The following PCSK2 variants were observed in gnomAD, a reference collection of about 807,000 sequenced individuals.
PCSK2 encodes proprotein convertase subtilisin/kexin type 2, also known as neuroendocrine convertase 2.
In PCSK2, 14 loss-of-function variants were observed where a neutral mutation model predicts 69.7. The ratio of observed to expected loss-of-function variants is 0.20; its 90% CI spans 0.13 to 0.31. The LOEUF is 0.31. Ranked by LOEUF, PCSK2 falls within the 10% of genes least tolerant of loss-of-function variation. The pLI, the probability that PCSK2 is intolerant of heterozygous loss-of-function variation, is 1.00. For synonymous variants in PCSK2, 307 were observed against 320.7 expected, an observed-to-expected ratio of 0.96 and a Z score of 0.46; for missense variants, 544 against 842.5, an observed-to-expected ratio of 0.65 and a Z score of 4.39.
At chr20:17,333,035 G>C (rs1406365037) in intron 2 of PCSK2, among the ~76,000 whole-genome samples, 5 of 152,162 alleles carry the variant, frequency 3.3e-5, no homozygotes, top group African/African-American at 1.2e-4. Context: ...ATAAGGTATA[G>C]ATTAGATAAT....
At position 17,384,646 on chromosome 20, in the gene PCSK2, T is replaced by G. The variant is rs370392800; in HGVS notation, c.543+15369T>G. Reference sequence around the variant, plus strand: ...TTGAGTCTTAAAAATTAAAATATTTTTCATAGGCTGAACACAGCGGCCCAT... The same window carrying G: ...TTGAGTCTTAAAAATTAAAATATTTGTCATAGGCTGAACACAGCGGCCCAT... On this transcript the variant is annotated intron_variant, in intron 5 of 11. Transcript: ENST00000262545. Among the ~76,000 whole-genome samples, 146 of 151,408 alleles carry G rather than the reference T, an allele frequency of 9.6e-4. 3 individuals carry two copies. The South Asian group carries it at 0.031, about 32-fold the overall frequency.
rs1292802589 is a variant in PCSK2, at chr20:17,481,782, C to T, written c.1629C>T (p.Asp543=). The change falls in exon 12 of 12, where the codon GAC becomes GAT. Residue 543 remains aspartate (D), a synonymous_variant. Transcript: ENST00000262545. ...SILLSRRPRD[D]DSKVGFDKWP... ...TGCTGAGCCGGCGTCCAAGGGATGA[C>T]GACTCCAAGGTGGGCTTTGACAAGT... 1.2e-6 allele frequency: 2 copies of T among 1,614,008 alleles called. No homozygotes were observed. Among genetic ancestry groups the T allele is most frequent in the Non-Finnish European group, 8.5e-7 (1 of 1,180,026 alleles).
chr20:17,240,626 T>A (rs141521495), intron 1 of PCSK2, among the ~76,000 whole-genome samples: 4 of 152,250 alleles, frequency 2.6e-5, no homozygotes, highest in African/African-American at 9.6e-5. Flanking sequence ...TACATAAAAT[T>A]GAGGTTCGTC....
intron 2 of PCSK2, among the ~76,000 whole-genome samples, chr20:17,266,927 T>C (rs1166073619): frequency 2.0e-5 from 3 of 152,130 alleles, no homozygotes; most frequent in African/African-American, 7.2e-5. Flanking sequence ...GGAGGAAATG[T>C]GTGAGGGCCC....
chr20:17,280,530 C>T (rs1988270729), intron 2 of PCSK2, among the ~76,000 whole-genome samples: 1 of 152,172 alleles, frequency 6.6e-6, no homozygotes, highest in Non-Finnish European at 1.5e-5. Flanking sequence ...ACTTCAGAGT[C>T]ACCCAGAGGA....
intron 1 of PCSK2, among the ~76,000 whole-genome samples, chr20:17,238,320 T>C (rs1399425848): frequency 6.6e-6 from 1 of 152,182 alleles, no homozygotes; most frequent in Non-Finnish European, 1.5e-5. Flanking sequence ...CACCAGAATA[T>C]TGTGACATAC....
At chr20:17,380,456 G>A (rs1011930393) in intron 5 of PCSK2, among the ~76,000 whole-genome samples, 4 of 152,178 alleles carry the variant, frequency 2.6e-5, no homozygotes, top group Admixed American at 6.5e-5. Context: ...GGCCAGCCTC[G>A]CTGAATTCAA....
Position 17,373,604 on chromosome 20 carries a change from C to T in PCSK2, c.543+4327C>T, listed in dbSNP as rs577203044. On this transcript the variant is annotated intron_variant, in intron 5 of 11. Coordinates refer to ENST00000262545, the MANE Select transcript of PCSK2 (RefSeq NM_002594.5). ...ATGTTGAAAAAACTCCTTGTGGTTA[C>T]TGATTTATTTTCAGTGAGGATTGAA... Among the ~76,000 whole-genome samples, 151 of 152,298 alleles carry T rather than the reference C, an allele frequency of 9.9e-4. 1 individual carries two copies. Among genetic ancestry groups the T allele is most frequent in the African/African-American group, 3.2e-3 (132 of 41,548 alleles).
In PCSK2 at chr20:17,227,051, C is replaced by A. The variant is rs1029298278; in HGVS notation, c.-255C>A. The A allele has an allele frequency of 2.1e-5, 10 of 484,230 alleles. No homozygotes were observed. The highest frequency in any genetic ancestry group is 3.7e-5 in the Non-Finnish European group (10 of 273,510). The allele number at this position is 484,230 out of a possible 1,614,324, so 30.0% of individuals were successfully genotyped here. ...ACAGACCTACACTCGCTCTTTCTCT[C>A]CGGTACACACAGCTCCCCACATTCG... On this transcript the variant is annotated 5_prime_UTR_variant, in exon 1 of 12. Coordinates refer to ENST00000262545, the MANE Select transcript of PCSK2 (RefSeq NM_002594.5).
intron 8 of PCSK2, among the ~76,000 whole-genome samples, chr20:17,449,348 A>C (rs6131955): frequency 0.66 from 100,750 of 151,800 alleles, 33,786 homozygotes; most frequent in African/African-American, 0.75. Context: ...CCATGGGTGA[A>C]TTCCCATTTC....
chr20:17,272,456 G>A (rs1021934538), intron 2 of PCSK2, among the ~76,000 whole-genome samples: 1 of 151,984 alleles, frequency 6.6e-6, no homozygotes, highest in African/African-American at 2.4e-5. Context: ...TCGAGGTATT[G>A]GTTCTAAAAC....
At chr20:17,420,695 C>T (rs936073307) in intron 6 of PCSK2, among the ~76,000 whole-genome samples, 2 of 152,092 alleles carry the variant, frequency 1.3e-5, no homozygotes, top group African/African-American at 2.4e-5. Flanking sequence ...GGTACTCAGA[C>T]GGCAATCAAT....
chr20:17,432,903 A>G (rs2032397957), intron 7 of PCSK2, among the ~76,000 whole-genome samples: 1 of 152,186 alleles, frequency 6.6e-6, no homozygotes, highest in South Asian at 2.1e-4. Context: ...AGAAAAAGAC[A>G]GGGAGCAAAT....
chr20:17,375,170 G>A (rs113704497), intron 5 of PCSK2, among the ~76,000 whole-genome samples: 110 of 152,286 alleles, frequency 7.2e-4, no homozygotes, highest in African/African-American at 1.9e-3. Flanking sequence ...GAAGAGTTGA[G>A]GTTACAACGT....
rs144979581 is a variant in PCSK2, at chr20:17,453,951, C to A, written c.1095C>A (p.Ala365=). 6.2e-7 allele frequency: 1 copy of A among 1,614,168 alleles called. No homozygotes were observed. Among genetic ancestry groups the A allele is most frequent in the Non-Finnish European group, 8.5e-7 (1 of 1,180,032 alleles). The part of the protein sequence containing the change: ...FSNGRKRNPE[A]GVATTDLYGN... ...ACGGGAGGAAAAGGAACCCCGAGGC[C>A]GGTGTGGTGAGCACGTCCCCTTCTG... The change falls in exon 9 of 12, where the codon GCC becomes GCA. Residue 365 remains alanine, a synonymous_variant. Transcript: ENST00000262545. The surrounding 1 kb of genome is among the most constrained non-coding windows in gnomAD (Gnocchi z 4.0).
At chr20:17,226,581 G>A (rs1048143049), upstream of PCSK2, among the ~76,000 whole-genome samples, 1 of 151,718 alleles carries the variant, frequency 6.6e-6, no homozygotes, top group Non-Finnish European at 1.5e-5. Flanking sequence ...GAAACAAGCA[G>A]GAAGAGGCAC....
chr20:17,413,634 G>T (rs962446014), intron 6 of PCSK2, among the ~76,000 whole-genome samples: 2 of 152,048 alleles, frequency 1.3e-5, no homozygotes, highest in Non-Finnish European at 2.9e-5. Flanking sequence ...CGAGACAGAA[G>T]GTTAACAAGG....
At chr20:17,456,118 T>G (rs1409756988) in intron 9 of PCSK2, among the ~76,000 whole-genome samples, 1 of 152,036 alleles carries the variant, frequency 6.6e-6, no homozygotes, top group Non-Finnish European at 1.5e-5. Flanking sequence ...CACGTGCCTG[T>G]AATCCCAGCT....
chr20:17,271,664 G>A lies in PCSK2; in HGVS notation c.282+11320G>A, dbSNP rs151282347. On this transcript the variant is annotated intron_variant, in intron 2 of 11. Transcript: ENST00000262545. ...ACACACCCTCTTAAAAGGAGGAAGCGGATTCTTATTCTCAGCTAATTGTTA... is the reference window on the plus strand; with the variant it reads ...ACACACCCTCTTAAAAGGAGGAAGCAGATTCTTATTCTCAGCTAATTGTTA... Among the ~76,000 whole-genome samples the A allele has an allele frequency of 4.3e-4, 65 of 152,128 alleles. No individual in the cohort carries two copies. In the East Asian group the frequency reaches 5.2e-3, roughly 12 times the overall value.
Sources: allele counts gnomAD v4.1 joint callset (sites outside exome capture counted in the v4.1 genomes callset), GRCh38; gene constraint gnomAD v4.1.1; non-coding constraint Gnocchi (gnomAD v3.1); transcripts MANE v1.5; gene names NCBI Gene and HGNC (gene_info 2026-07-23, HGNC 2026-07-21).